The following MLIP variants were observed in gnomAD, a reference collection of about 807,000 sequenced individuals.
The protein encoded by MLIP is muscular LMNA-interacting protein.
Under a neutral mutation model 84.8 loss-of-function variants are expected in MLIP, and 79 were observed. That is an observed-to-expected ratio of 0.93 (90% CI 0.78 to 1.12). MLIP has a LOEUF of 1.12. Ranked by LOEUF, MLIP falls within the 50% of genes most tolerant of loss-of-function variation. The probability of loss-of-function intolerance (pLI) is 0.00; values close to 1 mark genes in which losing one functional copy is unlikely to be tolerated. For synonymous variants in MLIP, 504 were observed against 463.0 expected (o/e 1.09, Z -1.14); for missense variants, 1,257 against 1,160.6 (o/e 1.08, Z -1.21).
At chr6:54,026,714 AGT>A (rs61442646) in intron 1 of MLIP, among the ~76,000 whole-genome samples, 37,924 of 149,778 alleles carry the variant, frequency 0.25, 4,981 homozygotes, top group South Asian at 0.45. Context: ...CTGTGTCTTC[AGT>A]GTGTGTGTGT....
chr6:54,020,440 T>G (rs1160812016), intron 1 of MLIP, among the ~76,000 whole-genome samples: 1 of 152,216 alleles, frequency 6.6e-6, no homozygotes, highest in Non-Finnish European at 1.5e-5. Flanking sequence ...AAAGGCTTAG[T>G]GGTCATAAAA....
chr6:54,116,647 T>G (rs947521157), intron 1 of MLIP, among the ~76,000 whole-genome samples: 1 of 152,226 alleles, frequency 6.6e-6, no homozygotes, highest in Non-Finnish European at 1.5e-5. Context: ...GCTTCACTGC[T>G]GAATCCTACC....
At chr6:54,103,788 G>C (rs928709165) in intron 1 of MLIP, among the ~76,000 whole-genome samples, 1 of 152,074 alleles carries the variant, frequency 6.6e-6, no homozygotes, top group Non-Finnish European at 1.5e-5. Context: ...TTCTTGGTAT[G>C]CTTATCTTTA....
At chr6:54,104,646 A>T (rs2150394944) in intron 1 of MLIP, among the ~76,000 whole-genome samples, 1 of 152,266 alleles carries the variant, frequency 6.6e-6, no homozygotes, top group African/African-American at 2.4e-5. Context: ...ATCTTCATCT[A>T]GCTCATTCTG....
At chr6:54,111,949 T>C (rs1050274073) in intron 1 of MLIP, among the ~76,000 whole-genome samples, 6 of 152,196 alleles carry the variant, frequency 3.9e-5, no homozygotes, top group African/African-American at 9.6e-5. Context: ...TTAGCCTGCG[T>C]GGCATGCGGG....
At chr6:54,138,447 T>C (rs1772016880) in intron 4 of MLIP, among the ~76,000 whole-genome samples, 161 bp downstream of exon 4, 1 of 152,116 alleles carries the variant, frequency 6.6e-6, no homozygotes, top group South Asian at 2.1e-4. Context: ...TTTGAATGTG[T>C]AAATGAATTA....
intron 9 of MLIP, among the ~76,000 whole-genome samples, chr6:54,170,688 G>T (rs1335022712): frequency 6.6e-6 from 1 of 151,320 alleles, no homozygotes; most frequent in Non-Finnish European, 1.5e-5. Flanking sequence ...TATGAAATGG[G>T]GATACTAATA....
intron 1 of MLIP, among the ~76,000 whole-genome samples, chr6:54,061,550 C>G (rs186040401): frequency 5.1e-4 from 78 of 152,238 alleles, no homozygotes; most frequent in African/African-American, 1.8e-3. Flanking sequence ...AAGCTTCATA[C>G]CAGGCAGCAG....
chr6:54,191,346 A>T (rs1411843448), intron 10 of MLIP, among the ~76,000 whole-genome samples: 2 of 152,142 alleles, frequency 1.3e-5, no homozygotes, highest in East Asian at 3.8e-4. Context: ...GTGTTGTTTG[A>T]CTTTTAAAAT....
chr6:54,052,114 G>A (rs1336110992), intron 1 of MLIP, among the ~76,000 whole-genome samples: 1 of 152,108 alleles, frequency 6.6e-6, no homozygotes, highest in Non-Finnish European at 1.5e-5. Context: ...AAAAGATAAT[G>A]GTAACAGCGT....
intron 5 of MLIP, among the ~76,000 whole-genome samples, chr6:54,149,796 GC>G (rs1483749222): frequency 6.6e-6 from 1 of 151,992 alleles, no homozygotes; most frequent in Non-Finnish European, 1.5e-5. Flanking sequence ...AAAATTATAG[GC>G]TGTTACATAA....
upstream of MLIP, among the ~76,000 whole-genome samples, chr6:54,109,966 T>A (rs1330934385): frequency 2.3e-5 from 3 of 129,502 alleles, no homozygotes; most frequent in African/African-American, 5.8e-5. Context: ...CCTTCCTTCC[T>A]TCCTTCCTTT....
intron 8 of MLIP, among the ~76,000 whole-genome samples, chr6:54,168,036 G>T (rs115555222): frequency 0.013 from 1,922 of 151,886 alleles, 47 homozygotes; most frequent in African/African-American, 0.042. Flanking sequence ...TTTTGATTTT[G>T]CCCAGTAACT....
At chr6:54,212,356 A>C (rs1343496471) in intron 11 of MLIP, among the ~76,000 whole-genome samples, 1 of 152,178 alleles carries the variant, frequency 6.6e-6, no homozygotes, top group Non-Finnish European at 1.5e-5. Flanking sequence ...TTCTGTGTTT[A>C]TGTCTTTAAA....
chr6:54,261,097 A>G lies in MLIP; in HGVS notation c.2976+3736A>G, dbSNP rs1423002336. On this transcript the variant is annotated intron_variant, in intron 13 of 13. Transcript: ENST00000502396. ...ATTTAACACCATACAGGCAGAGCAT[A>G]CTCGTTGACTAAGATAAATGATTTC... 2.0e-5 allele frequency among the ~76,000 whole-genome samples: 3 copies of G among 152,118 alleles called. No homozygotes were observed. In the East Asian group the frequency reaches 5.8e-4, roughly 29 times the overall value.
chr6:54,146,681 C>G (rs558790256), intron 4 of MLIP, among the ~76,000 whole-genome samples: 1 of 152,156 alleles, frequency 6.6e-6, no homozygotes, highest in Non-Finnish European at 1.5e-5. Flanking sequence ...GGGAGTTGAA[C>G]CAAATGACCT....
chr6:54,117,969 G>GCAACAA (rs34572556), intron 1 of MLIP, among the ~76,000 whole-genome samples: 3 of 149,628 alleles, frequency 2.0e-5, no homozygotes, highest in South Asian at 4.2e-4. Flanking sequence ...AACAACAACA[G>GCAACAA]CAACAACAAC....
intron 1 of MLIP, among the ~76,000 whole-genome samples, chr6:54,020,369 T>C (rs535768515): frequency 1.3e-5 from 2 of 152,214 alleles, no homozygotes; most frequent in South Asian, 2.1e-4. Context: ...TTTACTAATA[T>C]GGAAAGAAAA....
At chr6:54,212,242 G>T (rs1379211504) in intron 11 of MLIP, among the ~76,000 whole-genome samples, 1 of 152,130 alleles carries the variant, frequency 6.6e-6, no homozygotes, top group Non-Finnish European at 1.5e-5. Flanking sequence ...CTTAAAATCC[G>T]TATTGTTGGA....
Sources: allele counts gnomAD v4.1 joint callset (sites outside exome capture counted in the v4.1 genomes callset), GRCh38; gene constraint gnomAD v4.1.1; transcripts MANE v1.5; gene names NCBI Gene and HGNC (gene_info 2026-07-23, HGNC 2026-07-21).